Variants in ZFHX3 observed in about 807,000 individuals in gnomAD.
ZFHX3 encodes zinc finger homeobox protein 3.
A neutral mutation model predicts 279.1 loss-of-function variants in ZFHX3; 42 were observed. That is an observed-to-expected ratio of 0.15 (90% CI 0.12 to 0.19). The LOEUF (loss-of-function observed/expected upper bound fraction) is 0.19. ZFHX3 is among the 10% of genes least tolerant of loss of function. The pLI, the probability that ZFHX3 is intolerant of heterozygous loss-of-function variation, is 1.00. For missense variants in ZFHX3, 4,981 were observed against 4,754.0 expected, an observed-to-expected ratio of 1.05 and a Z score of -1.40; for synonymous variants, 2,293 against 1,957.8, an observed-to-expected ratio of 1.17 and a Z score of -4.52.
chr16:73,263,085 T>C (rs1360634217), intron 4 of ZFHX3, among the ~76,000 whole-genome samples: 1 of 152,194 alleles, frequency 6.6e-6, no homozygotes, highest in African/African-American at 2.4e-5. Context: ...AAAATGCTTG[T>C]TGTTTTAAGT....
intron 1 of ZFHX3, among the ~76,000 whole-genome samples, chr16:73,856,787 A>C (rs1961740054): frequency 6.6e-6 from 1 of 152,256 alleles, no homozygotes; most frequent in African/African-American, 2.4e-5. Context: ...TGGAATAAAA[A>C]CAATAATGTC....
chr16:73,522,815 AG>A (rs1347928672), intron 2 of ZFHX3, among the ~76,000 whole-genome samples: 1 of 152,160 alleles, frequency 6.6e-6, no homozygotes, highest in African/African-American at 2.4e-5. Flanking sequence ...CTGGCTGGGG[AG>A]GCCTCAGGAA....
chr16:73,342,292 C>T (rs1433923795), intron 3 of ZFHX3, among the ~76,000 whole-genome samples: 1 of 152,076 alleles, frequency 6.6e-6, no homozygotes, highest in African/African-American at 2.4e-5. Context: ...CACCTAGTGA[C>T]CCAGGAATGT....
At chr16:72,907,686 T>G (rs2039217359) in intron 3 of ZFHX3, among the ~76,000 whole-genome samples, 1 of 151,228 alleles carries the variant, frequency 6.6e-6, no homozygotes, top group Non-Finnish European at 1.5e-5. Flanking sequence ...AATTCCTTTT[T>G]TTTTTTTTTG....
intron 3 of ZFHX3, among the ~76,000 whole-genome samples, chr16:73,379,017 G>C (rs1371378027): frequency 6.6e-6 from 1 of 152,112 alleles, no homozygotes; most frequent in African/African-American, 2.4e-5. Context: ...CTAGTGTTTC[G>C]TACAGTCCCA....
intron 4 of ZFHX3, among the ~76,000 whole-genome samples, chr16:73,301,413 A>G (rs6564489): frequency 0.88 from 133,726 of 152,192 alleles, 59,343 homozygotes; most frequent in African/African-American, 0.96. Flanking sequence ...CATTTCAGAC[A>G]GGATGATTTT....
intron 3 of ZFHX3, among the ~76,000 whole-genome samples, chr16:73,334,387 A>G (rs1325738280): frequency 6.6e-6 from 1 of 152,178 alleles, no homozygotes; most frequent in East Asian, 1.9e-4. Flanking sequence ...TGAGAGCTGA[A>G]AACTCATTAA....
intron 5 of ZFHX3, among the ~76,000 whole-genome samples, chr16:73,207,017 CA>C (rs1229858546): frequency 1.7e-5 from 1 of 60,298 alleles, no homozygotes; most frequent in Non-Finnish European, 3.2e-5. Flanking sequence ...GAATCCATCT[CA>C]AAAATAAATA....
intron 3 of ZFHX3, among the ~76,000 whole-genome samples, chr16:72,943,422 A>T (rs1175982314): frequency 6.6e-6 from 1 of 152,008 alleles, no homozygotes; most frequent in African/African-American, 2.4e-5. Context: ...AATTCCAGCT[A>T]CTCAGGAGGG....
intron 2 of ZFHX3, 96 bp from the exon 3 acceptor site, chr16:72,951,061 G>A: frequency 2.0e-6 from 3 of 1,502,326 alleles, no homozygotes; most frequent in East Asian, 2.3e-5. Flanking sequence ...CTCAACTGGG[G>A]TCCAAAAGGA....
At chr16:72,811,534 A>C (rs1367536339) in intron 7 of ZFHX3, 43 bp downstream of exon 7, 6 of 1,513,984 alleles carry the variant, frequency 4.0e-6, no homozygotes, top group Non-Finnish European at 5.4e-6. Context: ...ATCACCTTTG[A>C]CCCTGGAGAA....
chr16:73,398,414 G>T (rs535267414), intron 3 of ZFHX3, among the ~76,000 whole-genome samples: 3 of 152,216 alleles, frequency 2.0e-5, no homozygotes, highest in South Asian at 2.1e-4. Flanking sequence ...GGAAGAGCCC[G>T]CACTGTTGGT....
At chr16:73,588,719 A>C (rs866032418) in intron 2 of ZFHX3, among the ~76,000 whole-genome samples, 2 of 151,336 alleles carry the variant, frequency 1.3e-5, no homozygotes, top group African/African-American at 4.9e-5. Context: ...AAAAAAAAAA[A>C]AACAAGAAAA....
At chr16:72,816,820 G>A (rs1371819111) in intron 5 of ZFHX3, among the ~76,000 whole-genome samples, 1 of 152,162 alleles carries the variant, frequency 6.6e-6, no homozygotes, top group African/African-American at 2.4e-5. Context: ...TCAAAGGGAA[G>A]CACAGTTGTC....
In ZFHX3 at chr16:72,797,489, C is replaced by CTGTTGCTGCTGCTGT. The variant is rs752146867; in HGVS notation, c.5178_5192dup (p.Gln1737_Gln1741dup). ...GTTGTTGTTGTTGTTGTTGTTGTTG[C>CTGTTGCTGCTGCTGT]TGTTGCTGCTGCTGTTGTTGCTGCT... is the stretch of plus-strand genomic sequence containing the variant. On this transcript the variant is annotated inframe_insertion, in exon 9 of 10. Coordinates refer to ENST00000268489, the MANE Select transcript of ZFHX3 (RefSeq NM_006885.4). 3.1e-6 allele frequency: 5 copies of CTGTTGCTGCTGCTGT among 1,597,622 alleles called. No homozygotes were observed. The highest frequency in any genetic ancestry group is 3.4e-5 in the Admixed American group (2 of 59,414).
In ZFHX3 at chr16:73,855,932, T is replaced by A. The variant is rs142003650; in HGVS notation, c.-1608+35719A>T. On this transcript the variant is annotated intron_variant, in intron 1 of 17. Transcript: ENST00000641206. ...ATGTTGTCTATCATGGCATTATTTA[T>A]AATACCAGAAATCCAGAAGAAAATC... is the stretch of plus-strand genomic sequence containing the variant. Among the ~76,000 whole-genome samples the A allele has an allele frequency of 6.2e-3, 939 of 152,296 alleles. 11 individuals carry two copies. Among genetic ancestry groups the A allele is most frequent in the African/African-American group, 0.021 (868 of 41,554 alleles).
intron 2 of ZFHX3, among the ~76,000 whole-genome samples, chr16:73,654,286 T>C (rs937853617): frequency 6.6e-6 from 1 of 152,130 alleles, no homozygotes; most frequent in African/African-American, 2.4e-5. Flanking sequence ...CTAGATACTT[T>C]AGTAGTCTAA....
At chr16:73,113,962 AT>A (rs1190178768) in intron 7 of ZFHX3, among the ~76,000 whole-genome samples, 1 of 151,610 alleles carries the variant, frequency 6.6e-6, no homozygotes, top group Admixed American at 6.6e-5. Flanking sequence ...TGCCCAGCTA[AT>A]TTTTTTGTAT....
chr16:72,983,544 C>T (rs552082783), intron 1 of ZFHX3, among the ~76,000 whole-genome samples: 128 of 152,202 alleles, frequency 8.4e-4, no homozygotes, highest in Non-Finnish European at 1.1e-3. Context: ...CCCATCTCTA[C>T]AAAAATTAAA....
Sources: allele counts gnomAD v4.1 joint callset (sites outside exome capture counted in the v4.1 genomes callset), GRCh38; gene constraint gnomAD v4.1.1; transcripts MANE v1.5; gene names NCBI Gene and HGNC (gene_info 2026-07-23, HGNC 2026-07-21).